ZBTB20: variants seen among roughly 807,000 people sequenced by gnomAD.
ZBTB20 encodes zinc finger and BTB domain-containing protein 20.
A neutral mutation model predicts 56.9 loss-of-function variants in ZBTB20; 9 were observed. The ratio of observed to expected loss-of-function variants is 0.16; its 90% CI spans 0.10 to 0.28. ZBTB20 has a LOEUF of 0.28. Ranked by LOEUF, ZBTB20 falls within the 10% of genes least tolerant of loss-of-function variation. The pLI, the probability that ZBTB20 is intolerant of heterozygous loss-of-function variation, is 1.00. For missense variants in ZBTB20, 655 were observed against 1,003.0 expected (o/e 0.65, Z 4.69); for synonymous variants, 417 against 420.7 (o/e 0.99, Z 0.11).
At chr3:114,993,477 A>G (rs1162155309) in intron 2 of ZBTB20, among the ~76,000 whole-genome samples, 1 of 151,900 alleles carries the variant, frequency 6.6e-6, no homozygotes, top group Non-Finnish European at 1.5e-5. Flanking sequence ...ATTCTTTCCA[A>G]CTAATGTGTA....
At chr3:114,998,221 C>T (rs1390883716) in intron 2 of ZBTB20, among the ~76,000 whole-genome samples, 1 of 151,594 alleles carries the variant, frequency 6.6e-6, no homozygotes, top group Non-Finnish European at 1.5e-5. Context: ...TGACCTAGTA[C>T]AATAAAATAA....
At chr3:114,650,856 C>T (rs921455059) in intron 6 of ZBTB20, among the ~76,000 whole-genome samples, 1 of 151,740 alleles carries the variant, frequency 6.6e-6, no homozygotes, top group Non-Finnish European at 1.5e-5. Context: ...AACGTGATAG[C>T]TGTAGGATGT....
At chr3:114,905,431 T>C (rs115991250) in intron 3 of ZBTB20, among the ~76,000 whole-genome samples, 598 of 151,950 alleles carry the variant, frequency 3.9e-3, no homozygotes, top group African/African-American at 0.014. Flanking sequence ...AATAATCATT[T>C]TATTGCACTG....
At chr3:114,628,290 C>T (rs1195017404) in intron 6 of ZBTB20, among the ~76,000 whole-genome samples, 1 of 152,004 alleles carries the variant, frequency 6.6e-6, no homozygotes, top group Non-Finnish European at 1.5e-5. Context: ...ACCAACATAT[C>T]CAAATAGATG....
At chr3:114,597,212 G>A (rs146548049) in intron 6 of ZBTB20, among the ~76,000 whole-genome samples, 6 of 152,116 alleles carry the variant, frequency 3.9e-5, no homozygotes, top group Non-Finnish European at 7.4e-5. Context: ...TGAAAGTAGT[G>A]ACCCCTAGTG....
In ZBTB20 at chr3:114,769,577, AT is replaced by A. The variant is rs1336526658; in HGVS notation, c.-343+31523del. On this transcript the variant is annotated intron_variant, in intron 5 of 11. Coordinates refer to ENST00000675478, the MANE Select transcript of ZBTB20 (RefSeq NM_001348800.3). The stretch of plus-strand genomic sequence containing the variant: ...CATATATATATATATATATATATAT[AT>A]ATATATATATATATATATAATGGAA... 3.5e-5 allele frequency among the ~76,000 whole-genome samples: 5 copies of A among 143,434 alleles called. No individual in the cohort carries two copies. The East Asian group carries it at 5.9e-4, about 17-fold the overall frequency. 94.1% of individuals were successfully genotyped at this position (143,434 alleles called of 152,430 possible).
intron 6 of ZBTB20, among the ~76,000 whole-genome samples, chr3:114,627,025 A>T (rs1055094279): frequency 6.6e-6 from 1 of 152,134 alleles, no homozygotes; most frequent in African/African-American, 2.4e-5. Context: ...CTCTTCATGG[A>T]ATAGTGGTTG....
Position 114,325,672 on chromosome 3 carries a change from A to G in ZBTB20, c.*13333T>C, listed in dbSNP as rs981868064. 2 of 152,122 alleles carry G rather than the reference A, an allele frequency of 1.3e-5. No homozygotes were observed. The highest frequency in any genetic ancestry group is 4.8e-5 in the African/African-American group (2 of 41,414). 9.4% of individuals were successfully genotyped at this position (152,122 alleles called of 1,614,324 possible). On this transcript the variant is annotated 3_prime_UTR_variant, in exon 12 of 12. Transcript: ENST00000675478. ...GCTTTAGGAATCCAGACCTGTATCA[A>G]ATTTGGTCCCATCACATTGTCCTGT...
intron 2 of ZBTB20, among the ~76,000 whole-genome samples, chr3:115,060,223 T>C (rs1258937610): frequency 3.3e-5 from 5 of 152,202 alleles, no homozygotes; most frequent in African/African-American, 4.8e-5. Context: ...AACTAGTTTA[T>C]AAAGCAAGTT....
intron 6 of ZBTB20, among the ~76,000 whole-genome samples, chr3:114,634,104 T>C (rs1456114197): frequency 2.6e-5 from 4 of 151,762 alleles, no homozygotes. Context: ...ATTTTAGAGC[T>C]CGAATTAACT....
intron 3 of ZBTB20, among the ~76,000 whole-genome samples, chr3:114,926,190 T>C (rs1053152021): frequency 2.0e-5 from 3 of 152,160 alleles, no homozygotes; most frequent in Non-Finnish European, 4.4e-5. Flanking sequence ...TCTCTTGGAG[T>C]TAAATTGTCC....
At chr3:114,855,189 A>C (rs1449465854) in intron 4 of ZBTB20, among the ~76,000 whole-genome samples, 1 of 152,248 alleles carries the variant, frequency 6.6e-6, no homozygotes, top group Admixed American at 6.5e-5. Flanking sequence ...AGAAGATCAC[A>C]GATTACTATT....
chr3:114,401,611 G>A (rs1239659960), intron 7 of ZBTB20, among the ~76,000 whole-genome samples: 1 of 152,080 alleles, frequency 6.6e-6, no homozygotes, highest in Non-Finnish European at 1.5e-5. Flanking sequence ...ACTTTTGCCC[G>A]AGCCACTTTC....
At chr3:114,550,800 G>C (rs2050479547) in intron 6 of ZBTB20, among the ~76,000 whole-genome samples, 1 of 151,798 alleles carries the variant, frequency 6.6e-6, no homozygotes, top group Admixed American at 6.6e-5. Context: ...ACCCACGCTG[G>C]AGTGCAGTGG....
intron 7 of ZBTB20, among the ~76,000 whole-genome samples, chr3:114,391,929 C>CAG (rs1284758508): frequency 6.6e-6 from 1 of 152,094 alleles, no homozygotes; most frequent in Non-Finnish European, 1.5e-5. Flanking sequence ...ATGACAAGAC[C>CAG]AGAGAGAGGG....
chr3:114,601,799 G>A (rs559547215), intron 6 of ZBTB20, among the ~76,000 whole-genome samples: 3 of 152,090 alleles, frequency 2.0e-5, no homozygotes, highest in African/African-American at 4.8e-5. Flanking sequence ...GTCATCACAC[G>A]TTGGGAAAAG....
chr3:114,540,667 C>T (rs1368886005), intron 6 of ZBTB20, among the ~76,000 whole-genome samples: 1 of 152,110 alleles, frequency 6.6e-6, no homozygotes, highest in Non-Finnish European at 1.5e-5. Context: ...AAACGCTAAT[C>T]ACTTCTCTAG....
chr3:114,695,819 A>G lies in ZBTB20; in HGVS notation c.-342-2244T>C, dbSNP rs559985024. Among the ~76,000 whole-genome samples the G allele has an allele frequency of 3.3e-5, 5 of 152,134 alleles. 1 individual carries two copies. The highest frequency in any genetic ancestry group is 2.1e-4 in the South Asian group (1 of 4,824). On this transcript the variant is annotated intron_variant, in intron 5 of 11. Transcript: ENST00000675478. ...CAGGCACCTACATGCAAAACTGCAT[A>G]TTGGAATCCAAACTCAACTATAATA...
intron 3 of ZBTB20, among the ~76,000 whole-genome samples, chr3:114,929,769 GT>G (rs1310280283): frequency 6.6e-6 from 1 of 152,104 alleles, no homozygotes; most frequent in Admixed American, 6.5e-5. Flanking sequence ...TCTTCATTTT[GT>G]TTTGAAAAGG....
Sources: allele counts gnomAD v4.1 joint callset (sites outside exome capture counted in the v4.1 genomes callset), GRCh38; gene constraint gnomAD v4.1.1; transcripts MANE v1.5; gene names NCBI Gene and HGNC (gene_info 2026-07-23, HGNC 2026-07-21).